KHDC1: variants seen among roughly 807,000 people sequenced by gnomAD.
The protein encoded by KHDC1 is KH homology domain-containing protein 1.
A neutral mutation model predicts 24.7 loss-of-function variants in KHDC1; 21 were observed. That is an observed-to-expected ratio of 0.85 (90% CI 0.60 to 1.23). The LOEUF is 1.23. Among genes scored for constraint, KHDC1 ranks in the 50% most tolerant of loss-of-function variants. The pLI is 0.00. For synonymous variants in KHDC1, 98 were observed against 111.7 expected, an observed-to-expected ratio of 0.88 and a Z score of 0.77; for missense variants, 274 against 298.5, an observed-to-expected ratio of 0.92 and a Z score of 0.61.
intron 2 of KHDC1, chr6:73,263,023 G>C: frequency 3.9e-6 from 4 of 1,027,146 alleles, no homozygotes; most frequent in Non-Finnish European, 4.7e-6. Context: ...CGCAGGCCTG[G>C]GCCACTCCCT....
intron 2 of KHDC1, among the ~76,000 whole-genome samples, chr6:73,261,957 C>A (rs1045518726): frequency 4.0e-5 from 6 of 151,050 alleles, no homozygotes; most frequent in African/African-American, 1.5e-4. Context: ...TATGTGCCTG[C>A]GGTCTCAGCT....
At chr6:73,281,143 A>C (rs1025123049) in intron 2 of KHDC1, among the ~76,000 whole-genome samples, 80 of 152,238 alleles carry the variant, frequency 5.3e-4, no homozygotes, top group Non-Finnish European at 2.9e-4. Flanking sequence ...CAGGAGTTTG[A>C]GACCAGCCTA....
intron 2 of KHDC1, among the ~76,000 whole-genome samples, chr6:73,279,098 G>T (rs1326405938): frequency 2.0e-5 from 3 of 152,200 alleles, no homozygotes; most frequent in Admixed American, 2.0e-4. Flanking sequence ...ATTAATGCAT[G>T]TGGTATTAAT....
intron 1 of KHDC1, among the ~76,000 whole-genome samples, chr6:73,298,279 A>T: frequency 6.6e-6 from 1 of 152,084 alleles, no homozygotes. Context: ...ATCCAGGATC[A>T]CATGGGACAA....
chr6:73,247,857 A>AAAC (rs1734266990), intron 2 of KHDC1, among the ~76,000 whole-genome samples: 1 of 144,636 alleles, frequency 6.9e-6, no homozygotes, highest in African/African-American at 2.6e-5. Context: ...CTCTGTCTCA[A>AAAC]AAAAAAAAAA....
intron 2 of KHDC1, among the ~76,000 whole-genome samples, chr6:73,243,063 G>A (rs1430618812): frequency 6.6e-6 from 1 of 152,176 alleles, no homozygotes; most frequent in Admixed American, 6.5e-5. Context: ...TGAGTCTAAG[G>A]AGTGTTTAGG....
chr6:73,263,174 G>A (rs1767017094), intron 2 of KHDC1: 3 of 987,024 alleles, frequency 3.0e-6, no homozygotes, highest in African/African-American at 1.7e-5. Flanking sequence ...CCGCGGCCGC[G>A]CGAGGCGCGC....
intron 2 of KHDC1, among the ~76,000 whole-genome samples, chr6:73,265,424 G>C (rs1270691082): frequency 4.6e-5 from 7 of 151,760 alleles, no homozygotes; most frequent in Admixed American, 4.6e-4. Flanking sequence ...AGCTACTCGG[G>C]AGGCTGAGGC....
At position 73,253,911 on chromosome 6, in the gene KHDC1, ACAACAG is replaced by A. The variant is rs571472823; in HGVS notation, c.207-11387_207-11382del. Among the ~76,000 whole-genome samples the A allele has an allele frequency of 3.9e-3, 596 of 152,272 alleles. 1 individual carries two copies. The highest frequency in any genetic ancestry group is 0.013 in the African/African-American group (557 of 41,552). The stretch of plus-strand genomic sequence containing the variant: ...GCAGAGTGAGGCTCTGTCTCCAACA[ACAACAG>A]CAACAACAATAACAACAACAAAAAA... On this transcript the variant is annotated intron_variant, in intron 2 of 4. Coordinates refer to ENST00000370384, the Ensembl canonical transcript of KHDC1.
chr6:73,307,927 T>A (rs1767999864), intron 1 of KHDC1, among the ~76,000 whole-genome samples: 1 of 152,014 alleles, frequency 6.6e-6, no homozygotes, highest in East Asian at 1.9e-4. Context: ...TGAGACAGAG[T>A]CTCGCTCTGT....
chr6:73,284,324 TTTGAA>T (rs1360172730), intron 2 of KHDC1, among the ~76,000 whole-genome samples: 2 of 152,226 alleles, frequency 1.3e-5, no homozygotes, highest in African/African-American at 4.8e-5. Context: ...AGATTGATCT[TTTGAA>T]TTGTTTTTCA....
At chr6:73,272,752 G>A (rs1767203092) in intron 2 of KHDC1, among the ~76,000 whole-genome samples, 1 of 150,944 alleles carries the variant, frequency 6.6e-6, no homozygotes, top group African/African-American at 2.4e-5. Flanking sequence ...CTCCAGCCTG[G>A]GTGACAGAGC....
chr6:73,283,959 T>G (rs1428403179), intron 2 of KHDC1, among the ~76,000 whole-genome samples: 1 of 152,020 alleles, frequency 6.6e-6, no homozygotes, highest in East Asian at 1.9e-4. Context: ...TTTGCAAAGA[T>G]TATGACACCG....
At chr6:73,292,240 A>C in intron 1 of KHDC1, 1 of 1,404,056 alleles carries the variant, frequency 7.1e-7, no homozygotes, top group Admixed American at 1.7e-5. Flanking sequence ...TAATTGTGAA[A>C]ATGTTTGAAG....
chr6:73,267,992 A>G (rs1180490893), intron 2 of KHDC1: 7 of 152,934 alleles, frequency 4.6e-5, no homozygotes, highest in African/African-American at 1.7e-4. Flanking sequence ...ACACGCCACC[A>G]TGCCCAGCTA....
At position 73,263,329 on chromosome 6, in the gene KHDC1, C is replaced by G. The variant is rs1172138609; in HGVS notation, c.207-20799G>C. 5 of 970,442 alleles carry G rather than the reference C, an allele frequency of 5.2e-6. No individual in the cohort carries two copies. The Admixed American group carries it at 3.1e-4, about 60-fold the overall frequency. The allele number at this position is 970,442 out of a possible 1,614,324, so 60.1% of individuals were successfully genotyped here. ...GCAGAGAGCCCAGCAGCTCTTGAGT[C>G]CAGGAAGCAAGGGTGGGAGGAGGGA... is the stretch of plus-strand genomic sequence containing the variant. On this transcript the variant is annotated intron_variant, in intron 2 of 4. Coordinates refer to ENST00000370384, the Ensembl canonical transcript of KHDC1.
intron 2 of KHDC1, among the ~76,000 whole-genome samples, chr6:73,252,018 C>A (rs1030764185): frequency 2.4e-4 from 37 of 151,200 alleles, no homozygotes; most frequent in Non-Finnish European, 4.9e-4. Context: ...CCACAGGGCC[C>A]AGGCCTTGGC....
chr6:73,307,772 C>T (rs1767997757), intron 1 of KHDC1, among the ~76,000 whole-genome samples: 1 of 152,132 alleles, frequency 6.6e-6, no homozygotes, highest in Admixed American at 6.6e-5. Flanking sequence ...GGAGATGACC[C>T]TAGAGCTCTG....
At chr6:73,290,541 T>A in intron 2 of KHDC1, 1 of 453,688 alleles carries the variant, frequency 2.2e-6, no homozygotes, top group Non-Finnish European at 4.3e-6. Context: ...AGATCCAAAG[T>A]CCACAAATAT....
Sources: gnomAD v4.1 joint callset for allele counts (sites outside exome capture counted in the v4.1 genomes callset) on GRCh38, gnomAD v4.1.1 for gene constraint, MANE v1.5 for transcripts, NCBI Gene and HGNC (gene_info 2026-07-23, HGNC 2026-07-21) for gene names.